The following ARHGAP18 variants were observed in gnomAD, a reference collection of about 807,000 sequenced individuals.
ARHGAP18 encodes Rho GTPase activating protein 18, also known as rho GTPase-activating protein 18.
In ARHGAP18, 67 loss-of-function variants were observed where a neutral mutation model predicts 86.2. The observed-to-expected ratio is 0.78, with a 90% CI of 0.64 to 0.95. The LOEUF is 0.95. Among genes scored for constraint, ARHGAP18 ranks in the 40% least tolerant of loss-of-function variants. The pLI is 0.00. For missense variants in ARHGAP18, 691 were observed against 780.4 expected (o/e 0.89, Z 1.37); for synonymous variants, 283 against 280.4 (o/e 1.01, Z -0.09).
intron 10 of ARHGAP18, among the ~76,000 whole-genome samples, chr6:129,601,640 T>A (rs149959908): frequency 1.7e-3 from 257 of 151,454 alleles, no homozygotes; most frequent in African/African-American, 5.9e-3. Flanking sequence ...TCTTTTTTTT[T>A]TTTTTGAGAC....
At chr6:129,633,987 T>G in intron 4 of ARHGAP18, 55 bp downstream of exon 4, 4 of 1,440,098 alleles carry the variant, frequency 2.8e-6, no homozygotes, top group Non-Finnish European at 3.8e-6. Context: ...ACTGTAACTG[T>G]TATACTAATT....
chr6:129,663,369 C>A (rs1429990878), intron 1 of ARHGAP18, among the ~76,000 whole-genome samples: 11 of 152,198 alleles, frequency 7.2e-5, no homozygotes, highest in Admixed American at 7.2e-4. Flanking sequence ...TCTGACAACA[C>A]AGGCTTTTTC....
intron 4 of ARHGAP18, among the ~76,000 whole-genome samples, chr6:129,633,183 T>C (rs1292602845): frequency 6.6e-6 from 1 of 151,686 alleles, no homozygotes; most frequent in African/African-American, 2.4e-5. Context: ...ATCCCTGCAC[T>C]TTGGGAGGCC....
chr6:129,694,017 C>T (rs185143259), intron 1 of ARHGAP18, among the ~76,000 whole-genome samples: 45 of 152,174 alleles, frequency 3.0e-4, no homozygotes, highest in Middle Eastern at 6.8e-3. Flanking sequence ...AGCATCTTGG[C>T]GCCTGAAAGC....
intron 4 of ARHGAP18, among the ~76,000 whole-genome samples, chr6:129,632,508 C>T (rs1411276709): frequency 6.6e-6 from 1 of 152,112 alleles, no homozygotes; most frequent in Non-Finnish European, 1.5e-5. Context: ...CTGCCAGTCA[C>T]TCTTCCCCAG....
chr6:129,671,740 T>C (rs1165040843), intron 1 of ARHGAP18, among the ~76,000 whole-genome samples: 1 of 152,012 alleles, frequency 6.6e-6, no homozygotes, highest in Admixed American at 6.6e-5. Context: ...TGAGTTAGAT[T>C]AAGCAGAGGT....
intron 1 of ARHGAP18, among the ~76,000 whole-genome samples, chr6:129,709,572 GA>G (rs371362354): frequency 0.015 from 2,302 of 151,978 alleles, 69 homozygotes; most frequent in African/African-American, 0.05. Context: ...AGAGAGGGGG[GA>G]AAAAAAACAC....
Position 129,629,492 on chromosome 6 carries a change from T to G in ARHGAP18, c.647A>C (p.Lys216Thr). 1.2e-6 allele frequency: 2 copies of G among 1,613,568 alleles called. No individual in the cohort carries two copies. Among genetic ancestry groups the G allele is most frequent in the South Asian group, 1.1e-5 (1 of 91,034 alleles). Reference sequence around the variant, plus strand: ...AGGCGTCTCCTCAGGTGGGATCAGCTTCTCTTCACCAACAAGGTTAGATGC... The same window carrying G: ...AGGCGTCTCCTCAGGTGGGATCAGCGTCTCTTCACCAACAAGGTTAGATGC... ...DEASNLVGEE[K>T]LIPPEETPAP... Residue 216 changes from lysine to threonine, a missense_variant, in exon 5 of 15, where the codon AAG (lysine) becomes ACG (threonine). Physicochemically the swap from Lys to Thr is moderately conservative, Grantham distance 78. Transcript: ENST00000368149.
intron 13 of ARHGAP18, among the ~76,000 whole-genome samples, chr6:129,583,246 G>C (rs929811884): frequency 2.0e-5 from 3 of 152,150 alleles, no homozygotes; most frequent in Admixed American, 2.0e-4. Context: ...TGAGGCTGGA[G>C]GAGGCATGAA....
intron 1 of ARHGAP18, among the ~76,000 whole-genome samples, chr6:129,702,604 A>G (rs1774734216): frequency 6.6e-6 from 1 of 152,152 alleles, no homozygotes; most frequent in Non-Finnish European, 1.5e-5. Flanking sequence ...CCATGCTGTT[A>G]GTGACTCCCA....
chr6:129,644,448 C>A lies in ARHGAP18; in HGVS notation c.114-2430G>T, dbSNP rs1376121401. 2.0e-5 allele frequency among the ~76,000 whole-genome samples: 3 copies of A among 152,182 alleles called. 1 individual carries two copies. The highest frequency in any genetic ancestry group is 4.4e-5 in the Non-Finnish European group (3 of 68,026). On this transcript the variant is annotated intron_variant, in intron 1 of 14. Coordinates refer to ENST00000368149, the MANE Select transcript of ARHGAP18 (RefSeq NM_033515.3). The stretch of plus-strand genomic sequence containing the variant: ...TTATCTGTATTGTTCATATTCCTTA[C>A]TTCTGCCTTACCAGGATAGCTAATG...
chr6:129,678,518 G>C (rs1172075383), intron 1 of ARHGAP18, among the ~76,000 whole-genome samples: 2 of 152,160 alleles, frequency 1.3e-5, no homozygotes, highest in African/African-American at 2.4e-5. Flanking sequence ...AGGTATCTGG[G>C]GGAAAATTGT....
intron 12 of ARHGAP18, among the ~76,000 whole-genome samples, chr6:129,596,319 A>C (rs542185606): frequency 3.3e-5 from 5 of 151,982 alleles, no homozygotes; most frequent in Non-Finnish European, 7.4e-5. Context: ...AGGTTTTTTC[A>C]CAGACTATTC....
At chr6:129,585,783 ATAT>A (rs1788385273) in intron 12 of ARHGAP18, among the ~76,000 whole-genome samples, 1 of 152,184 alleles carries the variant, frequency 6.6e-6, no homozygotes. Context: ...GTTGCAGGAC[ATAT>A]TATGCTCAAT....
intron 12 of ARHGAP18, 125 bp from the exon 13 acceptor site, chr6:129,584,237 T>C: frequency 7.5e-7 from 1 of 1,335,640 alleles, no homozygotes; most frequent in South Asian, 1.6e-5. Context: ...AAACCTTAAC[T>C]ACTGTATAAT....
intron 12 of ARHGAP18, among the ~76,000 whole-genome samples, chr6:129,590,925 A>G (rs1303599537): frequency 6.6e-6 from 1 of 152,226 alleles, no homozygotes; most frequent in African/African-American, 2.4e-5. Context: ...CAATATGGAT[A>G]TACAATGCTC....
intron 1 of ARHGAP18, among the ~76,000 whole-genome samples, chr6:129,665,749 T>C (rs1435732465): frequency 1.3e-5 from 2 of 152,192 alleles, no homozygotes; most frequent in Non-Finnish European, 2.9e-5. Context: ...CAGCTTTGTT[T>C]GCTGCCTGCA....
chr6:129,649,994 C>A (rs1250751857), intron 1 of ARHGAP18, among the ~76,000 whole-genome samples: 3 of 149,234 alleles, frequency 2.0e-5, no homozygotes, highest in African/African-American at 7.4e-5. Context: ...CTCACCACAA[C>A]CTCCACCTCC....
chr6:129,704,707 C>G (rs1252037337), intron 1 of ARHGAP18, among the ~76,000 whole-genome samples: 1 of 152,146 alleles, frequency 6.6e-6, no homozygotes, highest in Non-Finnish European at 1.5e-5. Context: ...CTGCCTTAAC[C>G]TATTAAGCAG....
Sources: allele counts gnomAD v4.1 joint callset (sites outside exome capture counted in the v4.1 genomes callset), GRCh38; gene constraint gnomAD v4.1.1; transcripts MANE v1.5; gene names NCBI Gene and HGNC (gene_info 2026-07-23, HGNC 2026-07-21).